Variants in RAD54L2 observed in about 807,000 individuals in gnomAD.
The protein encoded by RAD54L2 is helicase ARIP4.
In RAD54L2, 27 loss-of-function variants were observed where a neutral mutation model predicts 138.4. The ratio of observed to expected loss-of-function variants is 0.20; its 90% CI spans 0.14 to 0.27. The LOEUF (loss-of-function observed/expected upper bound fraction) is 0.27, where lower values mean the gene tolerates loss of function less well. RAD54L2 is among the 10% of genes least tolerant of loss of function. RAD54L2 has a pLI of 1.00. For missense variants in RAD54L2, 1,396 were observed against 1,890.2 expected (o/e 0.74, Z 4.85); for synonymous variants, 644 against 723.2 (o/e 0.89, Z 1.76).
chr3:51,581,432 G>A (rs956354117), intron 2 of RAD54L2, among the ~76,000 whole-genome samples: 3 of 152,100 alleles, frequency 2.0e-5, no homozygotes, highest in South Asian at 2.1e-4. Context: ...ATTCCTGCAC[G>A]GTCTTATTTA....
intron 19 of RAD54L2, among the ~76,000 whole-genome samples, chr3:51,653,259 A>G (rs1438314493): frequency 2.6e-5 from 4 of 152,236 alleles, no homozygotes; most frequent in African/African-American, 9.6e-5. Flanking sequence ...TAGAATGGTG[A>G]TCATTAAAAA....
In RAD54L2 at chr3:51,645,581, A is replaced by G. The variant is rs1226615515; in HGVS notation, c.2657-10A>G. 22 of 1,603,100 alleles carry G rather than the reference A, an allele frequency of 1.4e-5. No homozygotes were observed. Among genetic ancestry groups the G allele is most frequent in the Non-Finnish European group, 1.9e-5 (22 of 1,174,972 alleles). ...ATGTGCTGACTTTCTTCATGTCTTT[A>G]TCCTTCTAGATCGGGTGGTGGATGA... On this transcript the variant is annotated splice_polypyrimidine_tract_variant and intron_variant, in intron 17 of 22. Coordinates refer to ENST00000684192, the MANE Select transcript of RAD54L2 (RefSeq NM_015106.4). This position sits in a 1 kb window ranked among gnomAD's most constrained non-coding sequence, Gnocchi z 6.1.
chr3:51,630,645 T>G, intron 6 of RAD54L2, 60 bp from the exon 7 acceptor site: 1 of 1,349,442 alleles, frequency 7.4e-7, no homozygotes, highest in East Asian at 2.4e-5. Flanking sequence ...GCTCTGACTG[T>G]GTGCAGTAAA....
rs1699512839 is a variant in RAD54L2, at chr3:51,577,786, C to A, written c.-54-12581C>A. Among the ~76,000 whole-genome samples the A allele has an allele frequency of 2.0e-5, 3 of 152,242 alleles. No individual in the cohort carries two copies. The South Asian group carries it at 6.2e-4, about 32-fold the overall frequency. ...TGGGCTCCACCCAGTGTCCGACAAG[C>A]CCCAGTGAGATGAACCTGGTACCTC... On this transcript the variant is annotated intron_variant, in intron 2 of 22. Coordinates refer to ENST00000684192, the MANE Select transcript of RAD54L2 (RefSeq NM_015106.4).
At chr3:51,589,386 C>G (rs913812050) in intron 2 of RAD54L2, among the ~76,000 whole-genome samples, 1 of 152,060 alleles carries the variant, frequency 6.6e-6, no homozygotes, top group Non-Finnish European at 1.5e-5. Flanking sequence ...CCAGCCTGGC[C>G]AACAGAGCTG....
At chr3:51,602,768 C>T (rs957814311) in intron 3 of RAD54L2, among the ~76,000 whole-genome samples, 1 of 152,128 alleles carries the variant, frequency 6.6e-6, no homozygotes, top group Non-Finnish European at 1.5e-5. Context: ...TGCCTCTCCT[C>T]ATGGGATTTT....
At position 51,660,122 on chromosome 3, in the gene RAD54L2, T is replaced by C; in HGVS notation, c.3409+4T>C. 1 of 1,592,770 alleles carries C rather than the reference T, an allele frequency of 6.3e-7. No homozygotes were observed. Among genetic ancestry groups the C allele is most frequent in the Non-Finnish European group, 8.6e-7 (1 of 1,163,218 alleles). ...GATGGTCGGATGGCTGCCTCAGGTGTGATGGCTTTTACTTTCCATTTTACT... is the reference window on the plus strand; with the variant it reads ...GATGGTCGGATGGCTGCCTCAGGTGCGATGGCTTTTACTTTCCATTTTACT... On this transcript the variant is annotated splice_donor_region_variant and intron_variant, in intron 22 of 22. Coordinates refer to ENST00000684192, the MANE Select transcript of RAD54L2 (RefSeq NM_015106.4).
In RAD54L2 at chr3:51,598,177, GTA is replaced by G. The variant is rs71084152; in HGVS notation, c.139+7638_139+7639del. The stretch of plus-strand genomic sequence containing the variant: ...TGTGTGTGTGTGTGTGTGTGTGTGT[GTA>G]TATATATATATATATATATTTGGCT... On this transcript the variant is annotated intron_variant, in intron 3 of 22. Transcript: ENST00000684192. Among the ~76,000 whole-genome samples the G allele has an allele frequency of 8.8e-3, 1,186 of 135,150 alleles. 5 individuals carry two copies. Among genetic ancestry groups the G allele is most frequent in the African/African-American group, 0.021 (781 of 36,606 alleles). The allele number at this position is 135,150 out of a possible 152,430, so 88.7% of individuals were successfully genotyped here.
At chr3:51,601,455 G>T (rs1188028597) in intron 3 of RAD54L2, among the ~76,000 whole-genome samples, 1 of 151,628 alleles carries the variant, frequency 6.6e-6, no homozygotes, top group Admixed American at 6.6e-5. Context: ...TTACACGCAC[G>T]TGCCACCACG....
rs1299629494 is a variant in RAD54L2, at chr3:51,655,978, A to G, written c.3034A>G (p.Thr1012Ala). 4 of 1,599,154 alleles carry G rather than the reference A, an allele frequency of 2.5e-6. No homozygotes were observed. In the African/African-American group the frequency reaches 4.0e-5, roughly 16 times the overall value. ...CTTGTCTTTCTCTTACAGGCAGCCA[A>G]CTTTGAAGGGTGATGAAAAGCCTGT... ...PAFSQRNWQP[T>A]LKGDEKPVAS... The change falls in exon 20 of 23, where the codon ACT (threonine) becomes GCT (alanine). Residue 1012 changes from threonine to alanine, a missense_variant. By Grantham distance (58) the Thr-to-Ala change is moderately conservative. This residue lies in a region of RAD54L2 where 634 missense variants were observed against 711.2 expected (regional missense o/e 0.89). Coordinates refer to ENST00000684192, the MANE Select transcript of RAD54L2 (RefSeq NM_015106.4).
At chr3:51,594,468 A>C (rs1269362161) in intron 3 of RAD54L2, among the ~76,000 whole-genome samples, 1 of 152,214 alleles carries the variant, frequency 6.6e-6, no homozygotes, top group Non-Finnish European at 1.5e-5. Context: ...TGGCTTACTC[A>C]GTATAACTTA....
chr3:51,632,412 G>A lies in RAD54L2; in HGVS notation c.826-1165G>A, dbSNP rs113579692. ...AGGCTCAAGCGATTCTCCTGCCTCAGCCTCCCAAGTAGCTGGGATTACAGT... is the reference window on the plus strand; with the variant it reads ...AGGCTCAAGCGATTCTCCTGCCTCAACCTCCCAAGTAGCTGGGATTACAGT... On this transcript the variant is annotated intron_variant, in intron 7 of 22. Coordinates refer to ENST00000684192, the MANE Select transcript of RAD54L2 (RefSeq NM_015106.4). 6.2e-3 allele frequency among the ~76,000 whole-genome samples: 942 copies of A among 152,218 alleles called. 7 individuals carry two copies. The highest frequency in any genetic ancestry group is 0.021 in the African/African-American group (887 of 41,578).
chr3:51,638,184 G>A lies in RAD54L2; in HGVS notation c.1723G>A (p.Glu575Lys). The A allele has an allele frequency of 6.2e-7, 1 of 1,614,022 alleles. No homozygotes were observed. Among genetic ancestry groups the A allele is most frequent in the Non-Finnish European group, 8.5e-7 (1 of 1,179,892 alleles). Residue 575 changes from glutamate (E) to lysine (K), a missense_variant, in exon 12 of 23, where the codon GAA (glutamate) becomes AAA (lysine). Coordinates refer to ENST00000684192, the MANE Select transcript of RAD54L2 (RefSeq NM_015106.4). The surrounding 1 kb of genome is among the most constrained non-coding windows in gnomAD (Gnocchi z 4.3). ...GCTGAAGATTCATCTCCCTGCCAAG[G>A]AAGAAAATGTGATCCTTGTGCGGCT... ...TVLKIHLPAK[E>K]ENVILVRLSK... is the part of the protein sequence containing the mutation.
chr3:51,634,349 C>T (rs1021047668), intron 9 of RAD54L2, among the ~76,000 whole-genome samples: 1 of 149,344 alleles, frequency 6.7e-6, no homozygotes, highest in Non-Finnish European at 1.5e-5. Flanking sequence ...TGGATCTTTC[C>T]ACTGTCTGAT....
At chr3:51,617,254 A>C (rs1700465709) in intron 3 of RAD54L2, among the ~76,000 whole-genome samples, 1 of 152,132 alleles carries the variant, frequency 6.6e-6, no homozygotes, top group Non-Finnish European at 1.5e-5. Flanking sequence ...GAAGTGAATC[A>C]CTGGGTTATA....
rs759832484 is a variant in RAD54L2 at position 51,643,947 on chromosome 3, C to A, written c.2423C>A (p.Thr808Asn). ...INQFNDPSNLTTWLFLLSTRA... is the reference protein window; with the variant it reads ...INQFNDPSNLNTWLFLLSTRA... ...CAGTTCAATGATCCCAGCAACCTCA[C>A]CACCTGGCTGTTCCTTCTCTCTACA... The change falls in exon 16 of 23, where the codon ACC becomes AAC. Residue 808 changes from threonine (T) to asparagine (N), a missense_variant. By Grantham distance (65) the Thr-to-Asn change is moderately conservative. Coordinates refer to ENST00000684192, the MANE Select transcript of RAD54L2 (RefSeq NM_015106.4). 2.3e-5 allele frequency: 37 copies of A among 1,604,424 alleles called. No homozygotes were observed. The highest frequency in any genetic ancestry group is 1.0e-4 in the Admixed American group (6 of 58,784).
At chr3:51,628,078 C>T (rs1348684690) in intron 4 of RAD54L2, among the ~76,000 whole-genome samples, 1 of 152,080 alleles carries the variant, frequency 6.6e-6, no homozygotes, top group Non-Finnish European at 1.5e-5. Context: ...TTCCTTTTGT[C>T]TCAAAACAAG....
At chr3:51,563,672 T>C (rs2106643602) in intron 2 of RAD54L2, among the ~76,000 whole-genome samples, 1 of 152,384 alleles carries the variant, frequency 6.6e-6, no homozygotes, top group South Asian at 2.1e-4. Flanking sequence ...TTTATCATTT[T>C]GCTGAGAAGG....
At chr3:51,610,871 C>T (rs2106758017) in intron 3 of RAD54L2, among the ~76,000 whole-genome samples, 1 of 152,322 alleles carries the variant, frequency 6.6e-6, no homozygotes, top group Non-Finnish European at 1.5e-5. Context: ...AAATCCAACA[C>T]ATCAGGCAAC....
Sources: allele counts gnomAD v4.1 joint callset (sites outside exome capture counted in the v4.1 genomes callset), GRCh38; gene constraint gnomAD v4.1.1; regional missense constraint gnomAD v4.1.1; non-coding constraint Gnocchi (gnomAD v3.1); transcripts MANE v1.5; gene names NCBI Gene and HGNC (gene_info 2026-07-23, HGNC 2026-07-21).